Variants in TBC1D31 observed in about 807,000 individuals in gnomAD.
TBC1D31 encodes TBC1 domain family member 31, also known as WD repeat domain 67.
Under a neutral mutation model 132.9 loss-of-function variants are expected in TBC1D31, and 99 were observed. The ratio of observed to expected loss-of-function variants is 0.74; its 90% CI spans 0.63 to 0.88. TBC1D31 has a LOEUF of 0.88. TBC1D31 is among the 40% of genes least tolerant of loss of function. The pLI is 0.00. For missense variants in TBC1D31, 1,134 were observed against 1,256.6 expected, an observed-to-expected ratio of 0.90 and a Z score of 1.48; for synonymous variants, 385 against 419.4, an observed-to-expected ratio of 0.92 and a Z score of 1.00.
chr8:123,142,516 A>G (rs10101435), intron 19 of TBC1D31, 60 bp downstream of exon 19: 463,954 of 1,302,118 alleles, frequency 0.36, 84,561 homozygotes, highest in African/African-American at 0.51. Flanking sequence ...TTTTTTTTAA[A>G]AGACAGAGTC....
chr8:123,079,923 C>T (rs539975520), intron 2 of TBC1D31, among the ~76,000 whole-genome samples: 4 of 152,306 alleles, frequency 2.6e-5, no homozygotes, highest in Admixed American at 6.5e-5. Context: ...TCCCTATCTT[C>T]GATAGCCTCT....
At position 123,106,239 on chromosome 8, in the gene TBC1D31, C is replaced by T. The variant is rs144655449; in HGVS notation, c.1209+775C>T. On this transcript the variant is annotated intron_variant, in intron 8 of 21. Transcript: ENST00000287380. The stretch of plus-strand genomic sequence containing the variant: ...CAATTCATAAGTTTTAAATTGCACA[C>T]CGTTCTGAGTAGCATGACGAAATCT... Among the ~76,000 whole-genome samples, 5 of 152,296 alleles carry T rather than the reference C, an allele frequency of 3.3e-5. No individual in the cohort carries two copies. In the East Asian group the frequency reaches 7.7e-4, roughly 23 times the overall value.
At chr8:123,135,888 G>T (rs566822255) in intron 17 of TBC1D31, among the ~76,000 whole-genome samples, 1 of 152,130 alleles carries the variant, frequency 6.6e-6, no homozygotes, top group Non-Finnish European at 1.5e-5. Flanking sequence ...TATAATTTTA[G>T]AACTAACAGG....
At position 123,120,179 on chromosome 8, in the gene TBC1D31, A is replaced by G; in HGVS notation, c.1561A>G (p.Thr521Ala). Residue 521 changes from threonine to alanine, a missense_variant, in exon 11 of 22, where the codon ACT (threonine) becomes GCT (alanine). Physicochemically the swap from Thr to Ala is moderately conservative, Grantham distance 58. Coordinates refer to ENST00000287380, the MANE Select transcript of TBC1D31 (RefSeq NM_145647.4). ...ACTCATCTGTTTTGAAGTTATTGCT[A>G]CTCTCATAAGTAAGTAAATACTTGT... ...NQLICFEVIA[T>A]LIINWCQHWF... 1.2e-6 allele frequency: 2 copies of G among 1,603,018 alleles called. No individual in the cohort carries two copies. The highest frequency in any genetic ancestry group is 2.2e-5 in the South Asian group (2 of 89,038).
In TBC1D31 at chr8:123,120,175, T is replaced by C; in HGVS notation, c.1557T>C (p.Ile519=). 3 of 1,604,984 alleles carry C rather than the reference T, an allele frequency of 1.9e-6. No individual in the cohort carries two copies. The South Asian group carries it at 3.4e-5, about 18-fold the overall frequency. The change falls in exon 11 of 22, where the codon ATT becomes ATC. Residue 519 remains isoleucine, a synonymous_variant. Transcript: ENST00000287380. ...ACCAACTCATCTGTTTTGAAGTTAT[T>C]GCTACTCTCATAAGTAAGTAAATAC... The part of the protein sequence containing the change: ...QNNQLICFEV[I]ATLIINWCQH...
At chr8:123,128,557 G>T in intron 14 of TBC1D31, 44 bp downstream of exon 14, 1 of 1,370,616 alleles carries the variant, frequency 7.3e-7, no homozygotes, top group Non-Finnish European at 1.0e-6. Flanking sequence ...AATGAAATAT[G>T]TTATAAACAT....
chr8:123,126,288 C>T (rs1820027005), intron 12 of TBC1D31, 99 bp downstream of exon 12: 1 of 1,385,018 alleles, frequency 7.2e-7, no homozygotes, highest in Non-Finnish European at 9.8e-7. Context: ...TAATAAAAAG[C>T]ATACTACATG....
chr8:123,114,317 TTTGTTGTTG>T (rs149336241), intron 10 of TBC1D31, among the ~76,000 whole-genome samples: 1 of 151,400 alleles, frequency 6.6e-6, no homozygotes, highest in South Asian at 2.1e-4. Context: ...TTGTTTGTTT[TTTGTTGTTG>T]TTGTTGTTGT....
At chr8:123,133,089 A>G (rs1820774882) in intron 16 of TBC1D31, among the ~76,000 whole-genome samples, 1 of 152,214 alleles carries the variant, frequency 6.6e-6, no homozygotes, top group Non-Finnish European at 1.5e-5. Flanking sequence ...AGCTCTTCTC[A>G]TGGTTCAGAC....
chr8:123,115,355 G>A (rs952656), intron 10 of TBC1D31, among the ~76,000 whole-genome samples: 45,718 of 152,048 alleles, frequency 0.3, 6,909 homozygotes, highest in African/African-American at 0.32. Flanking sequence ...CAAAAATGAG[G>A]ATTTCCTTAC....
intron 7 of TBC1D31, among the ~76,000 whole-genome samples, chr8:123,104,823 G>A (rs1395455376): frequency 1.3e-5 from 2 of 152,132 alleles, no homozygotes; most frequent in African/African-American, 4.8e-5. Context: ...GGATAGAGGG[G>A]CAGAGGTTCC....
chr8:123,088,283 G>A (rs1489411745), intron 4 of TBC1D31, among the ~76,000 whole-genome samples: 1 of 152,040 alleles, frequency 6.6e-6, no homozygotes, highest in Non-Finnish European at 1.5e-5. Context: ...TGACTTTGCA[G>A]TTCAAGAGCA....
intron 5 of TBC1D31, among the ~76,000 whole-genome samples, 169 bp from the exon 6 acceptor site, chr8:123,097,113 C>T (rs1166546477): frequency 6.6e-6 from 1 of 152,076 alleles, no homozygotes; most frequent in Admixed American, 6.6e-5. Context: ...AAATAAGGTC[C>T]TTATTAACAT....
At chr8:123,124,140 A>T (rs143631167) in intron 11 of TBC1D31, among the ~76,000 whole-genome samples, 3 of 152,192 alleles carry the variant, frequency 2.0e-5, no homozygotes, top group African/African-American at 7.2e-5. Context: ...ATTTTAAAAA[A>T]TTTACTGAAC....
At chr8:123,099,375 C>T (rs1415047796) in intron 6 of TBC1D31, among the ~76,000 whole-genome samples, 3 of 152,172 alleles carry the variant, frequency 2.0e-5, no homozygotes, top group African/African-American at 7.2e-5. Flanking sequence ...CCGTGTCGGC[C>T]TCCCAAAGTG....
Position 123,130,312 on chromosome 8 carries a change from G to A in TBC1D31, c.2385G>A (p.Leu795=), listed in dbSNP as rs771768702. The change falls in exon 16 of 22, where the codon CTG becomes CTA. Residue 795 remains leucine, a synonymous_variant. Transcript: ENST00000287380. ...QDQQEMELRR[L]DDEIGRKVYM... ...AACAGGAAATGGAACTAAGAAGACT[G>A]GATGATGAAATTGGGAGAAAGGTTT... 2.0e-5 allele frequency: 33 copies of A among 1,610,824 alleles called. No homozygotes were observed. The highest frequency in any genetic ancestry group is 2.8e-5 in the Non-Finnish European group (33 of 1,178,540).
the TBC1D31 span, among the ~76,000 whole-genome samples, chr8:123,160,513 G>A: frequency 3.9e-5 from 6 of 152,152 alleles, no homozygotes; most frequent in Admixed American, 3.9e-4. Flanking sequence ...GGAGGAGGAG[G>A]AGGCTACCTG....
rs115158966 is a variant in TBC1D31 at position 123,146,303 on chromosome 8, G to A, written c.2974+1448G>A. Among the ~76,000 whole-genome samples, 1,255 of 152,210 alleles carry A rather than the reference G, an allele frequency of 8.2e-3. 14 individuals are homozygous for A. The highest frequency in any genetic ancestry group is 0.029 in the African/African-American group (1,219 of 41,506). The stretch of plus-strand genomic sequence containing the variant: ...TTTTCAGCACTTCAAAATAAACCCA[G>A]TACCCATTAGCAGTCACTCCCCATT... On this transcript the variant is annotated intron_variant, in intron 20 of 21. Transcript: ENST00000287380.
chr8:123,106,148 C>G (rs1267869958), intron 8 of TBC1D31, among the ~76,000 whole-genome samples: 3 of 152,168 alleles, frequency 2.0e-5, no homozygotes, highest in African/African-American at 7.2e-5. Flanking sequence ...GTTTTACTTT[C>G]CATGGTTTTG....
Sources: allele counts gnomAD v4.1 joint callset (sites outside exome capture counted in the v4.1 genomes callset), GRCh38; gene constraint gnomAD v4.1.1; transcripts MANE v1.5; gene names NCBI Gene and HGNC (gene_info 2026-07-23, HGNC 2026-07-21).